Variants in DLC1 observed in about 807,000 individuals in gnomAD.
The protein encoded by DLC1 is DLC1 Rho GTPase activating protein.
Under a neutral mutation model 140.3 loss-of-function variants are expected in DLC1, and 54 were observed. That is an observed-to-expected ratio of 0.38 (90% confidence interval 0.31 to 0.48). The LOEUF (loss-of-function observed/expected upper bound fraction) is 0.48. Ranked by LOEUF, DLC1 falls within the 20% of genes least tolerant of loss-of-function variation. DLC1 has a pLI of 0.96. For synonymous variants in DLC1, 986 were observed against 728.1 expected, an observed-to-expected ratio of 1.35 and a Z score of -5.70; for missense variants, 2,536 against 1,907.0, an observed-to-expected ratio of 1.33 and a Z score of -6.14.
chr8:13,302,840 C>A (rs1832256625), intron 5 of DLC1, among the ~76,000 whole-genome samples: 1 of 151,432 alleles, frequency 6.6e-6, no homozygotes, highest in Non-Finnish European at 1.5e-5. Context: ...CTAGCGGAAG[C>A]TTACAGAGAT....
chr8:13,485,964 A>T (rs1585188191), intron 2 of DLC1, among the ~76,000 whole-genome samples: 2 of 152,190 alleles, frequency 1.3e-5, no homozygotes, highest in South Asian at 4.1e-4. Flanking sequence ...CCGCTAGCTA[A>T]CTTCCTTTAT....
intron 2 of DLC1, among the ~76,000 whole-genome samples, chr8:13,442,064 T>A (rs1013836462): frequency 6.6e-6 from 1 of 152,188 alleles, no homozygotes; most frequent in Non-Finnish European, 1.5e-5. Flanking sequence ...TCTACAACTA[T>A]CTGATCTTTG....
At chr8:13,503,142 C>T (rs1346500484) in intron 1 of DLC1, among the ~76,000 whole-genome samples, 10 of 152,172 alleles carry the variant, frequency 6.6e-5, no homozygotes, top group Admixed American at 3.9e-4. Context: ...TGATGGCTCA[C>T]GCCTGTAATC....
intron 1 of DLC1, among the ~76,000 whole-genome samples, chr8:13,528,414 G>A (rs1429439125): frequency 1.3e-5 from 2 of 152,094 alleles, no homozygotes; most frequent in Non-Finnish European, 2.9e-5. Context: ...ATGTTGGGCA[G>A]CAAGTAGCAA....
intron 1 of DLC1, among the ~76,000 whole-genome samples, chr8:13,511,416 G>A (rs759542730): frequency 3.3e-5 from 5 of 151,228 alleles, no homozygotes; most frequent in Non-Finnish European, 2.9e-5. Context: ...TTTTTTAACT[G>A]GGCCTCAAGG....
At chr8:13,250,085 A>T (rs1829938420) in intron 5 of DLC1, among the ~76,000 whole-genome samples, 1 of 152,192 alleles carries the variant, frequency 6.6e-6, no homozygotes, top group Non-Finnish European at 1.5e-5. Context: ...AATGGATTGC[A>T]TTCATTGTTG....
intron 5 of DLC1, among the ~76,000 whole-genome samples, chr8:13,206,175 C>G (rs1444956165): frequency 2.0e-5 from 3 of 152,140 alleles, no homozygotes; most frequent in African/African-American, 7.2e-5. Context: ...CACTGAATAG[C>G]CAATGATCTA....
chr8:13,151,412 A>G (rs1466544894), intron 5 of DLC1, among the ~76,000 whole-genome samples: 3 of 152,210 alleles, frequency 2.0e-5, no homozygotes, highest in Admixed American at 2.0e-4. Flanking sequence ...AATTTGAACA[A>G]CTTGCCTAAG....
At chr8:13,133,405 G>T in intron 5 of DLC1, 1 of 719,710 alleles carries the variant, frequency 1.4e-6, no homozygotes, top group Non-Finnish European at 1.7e-6. Context: ...CCTTAGCGAC[G>T]GGCTGTTCTC....
chr8:13,170,975 A>G (rs1182204022), intron 5 of DLC1, among the ~76,000 whole-genome samples: 2 of 152,200 alleles, frequency 1.3e-5, no homozygotes, highest in African/African-American at 4.8e-5. Context: ...GAGGGTCACC[A>G]AAGCTCTGTG....
intron 5 of DLC1, among the ~76,000 whole-genome samples, chr8:13,262,088 G>A (rs1363033480): frequency 6.6e-6 from 1 of 152,154 alleles, no homozygotes; most frequent in Non-Finnish European, 1.5e-5. Flanking sequence ...GGGTAAGAGT[G>A]CTACTGTGTA....
At chr8:13,221,724 G>GTATATA (rs1311540477) in intron 5 of DLC1, among the ~76,000 whole-genome samples, 2,829 of 132,852 alleles carry the variant, frequency 0.021, 115 homozygotes, top group African/African-American at 0.077. Context: ...GTGTGTGTGT[G>GTATATA]TGTATATATA....
chr8:13,385,836 C>A (rs1373276824), intron 4 of DLC1, among the ~76,000 whole-genome samples: 1 of 152,086 alleles, frequency 6.6e-6, no homozygotes, highest in Non-Finnish European at 1.5e-5. Flanking sequence ...CATCAAATGC[C>A]TGGGACAGAA....
At chr8:13,223,488 C>T (rs559744300) in intron 5 of DLC1, among the ~76,000 whole-genome samples, 142 of 152,058 alleles carry the variant, frequency 9.3e-4, no homozygotes, top group Middle Eastern at 3.4e-3. Flanking sequence ...GATTAAAAAC[C>T]CTAGAAGAAA....
intron 5 of DLC1, among the ~76,000 whole-genome samples, chr8:13,261,607 G>C (rs1403177761): frequency 6.6e-6 from 1 of 152,156 alleles, no homozygotes; most frequent in Non-Finnish European, 1.5e-5. Context: ...ACAGGTGCGA[G>C]GCAACCGTGT....
At chr8:13,506,536 C>G (rs1343835850) in intron 1 of DLC1, among the ~76,000 whole-genome samples, 1 of 143,936 alleles carries the variant, frequency 6.9e-6, no homozygotes, top group Non-Finnish European at 1.5e-5. Flanking sequence ...TACACATACA[C>G]ACACATGGAC....
chr8:13,222,333 A>G (rs10103476), intron 5 of DLC1, among the ~76,000 whole-genome samples: 5,054 of 152,246 alleles, frequency 0.033, 280 homozygotes, highest in African/African-American at 0.12. Flanking sequence ...TCAATAGATT[A>G]TTCTGTATTG....
intron 4 of DLC1, among the ~76,000 whole-genome samples, chr8:13,359,040 G>T (rs1413357810): frequency 3.3e-5 from 5 of 152,134 alleles, no homozygotes; most frequent in African/African-American, 7.2e-5. Context: ...CCGGGTTCAC[G>T]CCATTCTCCT....
intron 5 of DLC1, among the ~76,000 whole-genome samples, chr8:13,207,308 C>G (rs1181056015): frequency 6.6e-6 from 1 of 152,076 alleles, no homozygotes; most frequent in African/African-American, 2.4e-5. Flanking sequence ...TTTCAGTAGA[C>G]TCCTTTGGGT....
Sources: gnomAD v4.1 joint callset for allele counts (sites outside exome capture counted in the v4.1 genomes callset) on GRCh38, gnomAD v4.1.1 for gene constraint, MANE v1.5 for transcripts, NCBI Gene and HGNC (gene_info 2026-07-23, HGNC 2026-07-21) for gene names.